Variants in RGL1 observed in about 807,000 individuals in gnomAD.
RGL1 encodes ral guanine nucleotide dissociation stimulator like 1.
In RGL1, 24 loss-of-function variants were observed where a neutral mutation model predicts 95.2. The ratio of observed to expected loss-of-function variants is 0.25; its 90% CI spans 0.18 to 0.35. RGL1 has a LOEUF of 0.35. Among genes scored for constraint, RGL1 ranks in the 10% least tolerant of loss-of-function variants. The pLI is 1.00. For missense variants in RGL1, 715 were observed against 936.3 expected (o/e 0.76, Z 3.08); for synonymous variants, 329 against 344.9 (o/e 0.95, Z 0.51).
intron 7 of RGL1, among the ~76,000 whole-genome samples, chr1:183,888,011 A>G (rs1667215359): frequency 6.6e-6 from 1 of 152,170 alleles, no homozygotes; most frequent in African/African-American, 2.4e-5. Flanking sequence ...GCCAAATTAT[A>G]TACACCTCTG....
intron 2 of RGL1, among the ~76,000 whole-genome samples, chr1:183,794,055 GACACACACACACACACACACAC>G (rs147087444): frequency 6.9e-6 from 1 of 145,916 alleles, no homozygotes; most frequent in African/African-American, 2.5e-5. Flanking sequence ...AGAAAATGTG[GACACACACACACACACACACAC>G]ACACACACAC....
chr1:183,651,550 C>A (rs1650752528), intron 1 of RGL1, among the ~76,000 whole-genome samples: 1 of 152,162 alleles, frequency 6.6e-6, no homozygotes, highest in Admixed American at 6.5e-5. Context: ...CTCAATCCAG[C>A]TGTAGGTGGA....
intron 1 of RGL1, among the ~76,000 whole-genome samples, chr1:183,733,392 A>C (rs1372190257): frequency 6.6e-6 from 1 of 152,094 alleles, no homozygotes; most frequent in East Asian, 1.9e-4. Flanking sequence ...GATCTATGCA[A>C]AAGGCAGCGT....
upstream of RGL1, among the ~76,000 whole-genome samples, chr1:183,802,653 T>C (rs1661063530): frequency 7.4e-6 from 1 of 135,830 alleles, no homozygotes; most frequent in African/African-American, 2.6e-5. Context: ...ATTCAGTCAA[T>C]TGCAAAATAA....
In RGL1 at chr1:183,724,455, A is replaced by C. The variant is rs1158784367; in HGVS notation, c.-32-17671A>C. Among the ~76,000 whole-genome samples, 1 of 152,036 alleles carries C rather than the reference A, an allele frequency of 6.6e-6. No individual in the cohort carries two copies. The highest frequency in any genetic ancestry group is 1.5e-5 in the Non-Finnish European group (1 of 67,998). ...CCCACTTCCCTGACATATGAGTCCTAAGCCTGGCAACATTCACCACAAGCT... is the reference window on the plus strand; with the variant it reads ...CCCACTTCCCTGACATATGAGTCCTCAGCCTGGCAACATTCACCACAAGCT... On this transcript the variant is annotated intron_variant, in intron 1 of 18. Transcript: ENST00000304685. The surrounding 1 kb of genome is among the most constrained non-coding windows in gnomAD (Gnocchi z 4.1).
intron 12 of RGL1, among the ~76,000 whole-genome samples, chr1:183,902,968 T>G (rs548164914): frequency 1.3e-5 from 2 of 152,310 alleles, no homozygotes; most frequent in South Asian, 4.1e-4. Flanking sequence ...GCCACTTAAT[T>G]AATAACAATG....
intron 1 of RGL1, among the ~76,000 whole-genome samples, chr1:183,717,500 G>T (rs1398528503): frequency 3.3e-5 from 5 of 152,164 alleles, no homozygotes; most frequent in Non-Finnish European, 5.9e-5. Flanking sequence ...TCATAATTGA[G>T]AATACAGCTC....
At chr1:183,749,394 G>T (rs947042115) in intron 2 of RGL1, among the ~76,000 whole-genome samples, 5 of 151,986 alleles carry the variant, frequency 3.3e-5, no homozygotes, top group African/African-American at 1.2e-4. Flanking sequence ...TGTGTTTTTT[G>T]TTCTTTGTTG....
intron 1 of RGL1, among the ~76,000 whole-genome samples, chr1:183,694,216 A>G (rs915863428): frequency 6.6e-6 from 1 of 152,156 alleles, no homozygotes; most frequent in Non-Finnish European, 1.5e-5. Flanking sequence ...GACTGGCTGC[A>G]TGAGTTCTTG....
At chr1:183,748,487 G>C (rs551643758) in intron 2 of RGL1, among the ~76,000 whole-genome samples, 13 of 133,986 alleles carry the variant, frequency 9.7e-5, no homozygotes, top group African/African-American at 2.9e-4. Context: ...CTCACTGCAA[G>C]CTCTGCCTCC....
chr1:183,805,888 A>C (rs990383947), intron 1 of RGL1, among the ~76,000 whole-genome samples: 1 of 150,182 alleles, frequency 6.7e-6, no homozygotes, highest in South Asian at 2.1e-4. Flanking sequence ...TGAGTTTAAA[A>C]TCTGGTTTCT....
chr1:183,809,958 TA>T (rs1661598417), intron 2 of RGL1, among the ~76,000 whole-genome samples: 2 of 152,080 alleles, frequency 1.3e-5, no homozygotes, highest in African/African-American at 4.8e-5. Context: ...CTCTGTCTCT[TA>T]AAAAAAGAAG....
intron 1 of RGL1, among the ~76,000 whole-genome samples, chr1:183,731,394 G>C (rs183465818): frequency 3.3e-5 from 5 of 152,244 alleles, no homozygotes; most frequent in South Asian, 4.1e-4. Context: ...GAGGAAGTGT[G>C]ATAGGCACTA....
rs1659918845 is a variant in RGL1 at position 183,781,779 on chromosome 1, AC to A, written c.133-24595del. 2.6e-5 allele frequency among the ~76,000 whole-genome samples: 4 copies of A among 152,330 alleles called. 1 individual carries two copies. The South Asian group carries it at 8.3e-4, about 32-fold the overall frequency. On this transcript the variant is annotated intron_variant, in intron 2 of 18. Coordinates refer to the RGL1 transcript ENST00000304685. ...CACACAGATCCATCTCATTCTAACT[AC>A]ACAGTAATCCATTACATGGATGTGC... is the stretch of plus-strand genomic sequence containing the variant.
rs140306495 is a variant in RGL1, at chr1:183,821,757, T to A, written c.138+15272T>A. The stretch of plus-strand genomic sequence containing the variant: ...TGGACCTGTGTGCTCAACCCTAAAG[T>A]GTCCCTGGAGTCCAAGAATGACTTT... On this transcript the variant is annotated intron_variant, in intron 2 of 17. Coordinates refer to ENST00000360851, the MANE Select transcript of RGL1 (RefSeq NM_001297671.3). Among the ~76,000 whole-genome samples the A allele has an allele frequency of 5.9e-5, 9 of 152,280 alleles. No individual in the cohort carries two copies. The East Asian group carries it at 1.7e-3, about 29-fold the overall frequency.
chr1:183,857,073 G>GGA (rs1665199513), intron 3 of RGL1, among the ~76,000 whole-genome samples: 1 of 152,174 alleles, frequency 6.6e-6, no homozygotes, highest in Admixed American at 6.6e-5. Context: ...TATAAAATAA[G>GGA]GAGATTATCT....
chr1:183,876,043 T>C (rs1190765231), intron 4 of RGL1, among the ~76,000 whole-genome samples: 1 of 152,068 alleles, frequency 6.6e-6, no homozygotes, highest in Non-Finnish European at 1.5e-5. Flanking sequence ...TCCCACTGAC[T>C]CCTAACCCTC....
At chr1:183,643,117 G>A (rs539018208) in intron 1 of RGL1, among the ~76,000 whole-genome samples, 22 of 152,164 alleles carry the variant, frequency 1.4e-4, no homozygotes, top group African/African-American at 2.2e-4. Flanking sequence ...TTTTAAAGCC[G>A]AATAATATTC....
At chr1:183,736,605 T>A (rs1336137037) in intron 1 of RGL1, among the ~76,000 whole-genome samples, 3 of 152,132 alleles carry the variant, frequency 2.0e-5, no homozygotes, top group African/African-American at 7.2e-5. Flanking sequence ...GATATAAAGA[T>A]AAACAAACCT....
Sources: gnomAD v4.1 joint callset for allele counts (sites outside exome capture counted in the v4.1 genomes callset) on GRCh38, gnomAD v4.1.1 for gene constraint, Gnocchi (gnomAD v3.1) non-coding constraint, MANE v1.5 for transcripts, NCBI Gene and HGNC (gene_info 2026-07-23, HGNC 2026-07-21) for gene names.